Variants in ERCC6L observed in about 807,000 individuals in gnomAD.
The protein encoded by ERCC6L is DNA excision repair protein ERCC-6-like.
A neutral mutation model predicts 20.1 loss-of-function variants in ERCC6L; 7 were observed. The ratio of observed to expected loss-of-function variants is 0.35; its 90% CI spans 0.20 to 0.65. ERCC6L has a LOEUF of 0.65. Among genes scored for constraint, ERCC6L ranks in the 30% least tolerant of loss-of-function variants. ERCC6L has a pLI of 0.69. For synonymous variants in ERCC6L, 278 were observed against 331.3 expected (o/e 0.84, Z 1.75); for missense variants, 592 against 892.4 (o/e 0.66, Z 4.29).
intron 1 of ERCC6L, among the ~76,000 whole-genome samples, chrX:72,232,798 G>A (rs1223882769): frequency 9.0e-6 from 1 of 111,210 alleles, no homozygotes; most frequent in Non-Finnish European, 1.9e-5. Flanking sequence ...CAACAAGAGC[G>A]AAACTCCGTC....
At chrX:72,220,094 T>C (rs1345768466) in intron 1 of ERCC6L, among the ~76,000 whole-genome samples, 2 of 110,727 alleles carry the variant, frequency 1.8e-5, no homozygotes, top group African/African-American at 3.3e-5. Flanking sequence ...TTTTGTCAAA[T>C]GTTTTTTTCT....
At position 72,206,157 on chromosome X, in the gene ERCC6L, G is replaced by A; in HGVS notation, c.2610C>T (p.Ser870=). ...DPLESFNYVL[S]KSTKADIGPN... is the part of the protein sequence containing the mutation. ...GCCCAATATCAGCTTTGGTTGATTTGCTAAGTACATAATTAAAACTTTCCA... is the reference window on the plus strand; with the variant it reads ...GCCCAATATCAGCTTTGGTTGATTTACTAAGTACATAATTAAAACTTTCCA... Residue 870 remains serine, a synonymous_variant, in exon 2 of 2, where the codon AGC becomes AGT. Transcript: ENST00000334463. The A allele has an allele frequency of 8.3e-7, 1 of 1,211,565 alleles. No homozygotes were observed. Among genetic ancestry groups the A allele is most frequent in the South Asian group, 1.8e-5 (1 of 56,981 alleles).
Position 72,207,614 on chromosome X carries a change from C to T in ERCC6L, c.1153G>A (p.Val385Met), listed in dbSNP as rs762887752. ...AACTCCTTGATATGATCTAAAGACA[C>T]AAATTTCCTGTATATTTCTTCTTGT... ...PLQEEIYRKF[V>M]SLDHIKELLM... Residue 385 changes from valine (V) to methionine (M), a missense_variant, in exon 2 of 2, where the codon GTG (valine) becomes ATG (methionine). Around this residue, in one of 3 missense-constraint regions of ERCC6L, gnomAD observed 196 missense variants for 440.1 expected, o/e 0.45. Coordinates refer to ENST00000334463, the MANE Select transcript of ERCC6L (RefSeq NM_017669.4). 5 of 1,211,113 alleles carry T rather than the reference C, an allele frequency of 4.1e-6. No individual in the cohort carries two copies. The highest frequency in any genetic ancestry group is 5.6e-6 in the Non-Finnish European group (5 of 895,179).
At chrX:72,230,368 C>CCTCCT (rs1196502775) in intron 1 of ERCC6L, among the ~76,000 whole-genome samples, 18 of 109,606 alleles carry the variant, frequency 1.6e-4, no homozygotes, top group African/African-American at 6.0e-4. Context: ...CCCAAGATAA[C>CCTCCT]CTCCTCTCCT....
chrX:72,226,041 A>G (rs1307135704), intron 1 of ERCC6L, among the ~76,000 whole-genome samples: 1 of 111,618 alleles, frequency 9.0e-6, no homozygotes, highest in Non-Finnish European at 1.9e-5. Context: ...ACTCAGCCAT[A>G]AGGCGCTAAG....
At chrX:72,218,256 C>T (rs1344328296) in intron 1 of ERCC6L, among the ~76,000 whole-genome samples, 2 of 99,410 alleles carry the variant, frequency 2.0e-5, no homozygotes, top group Admixed American at 2.2e-4. Context: ...GGCGACAGAG[C>T]GAGACTCTGT....
intron 1 of ERCC6L, among the ~76,000 whole-genome samples, chrX:72,226,133 T>G (rs1257228136): frequency 8.9e-6 from 1 of 111,781 alleles, no homozygotes; most frequent in Non-Finnish European, 1.9e-5. Context: ...GCTCCCCCCT[T>G]AATCCTGCCA....
At chrX:72,217,737 A>T (rs2147592170) in intron 1 of ERCC6L, among the ~76,000 whole-genome samples, 1 of 111,600 alleles carries the variant, frequency 9.0e-6, no homozygotes, top group South Asian at 3.7e-4. Context: ...AAAAAAAAAC[A>T]CAAAAAGAAC....
chrX:72,218,473 A>G (rs2042899865), intron 1 of ERCC6L, among the ~76,000 whole-genome samples: 1 of 106,314 alleles, frequency 9.4e-6, no homozygotes, highest in African/African-American at 3.5e-5. Flanking sequence ...TGGCTTTTAT[A>G]ATAGTTTGTC....
In ERCC6L at chrX:72,206,404, T is replaced by G. The variant is rs1186239180; in HGVS notation, c.2363A>C (p.Asp788Ala). 3 of 1,209,855 alleles carry G rather than the reference T, an allele frequency of 2.5e-6. No individual in the cohort carries two copies. Among genetic ancestry groups the G allele is most frequent in the Non-Finnish European group, 3.4e-6 (3 of 894,556 alleles). Residue 788 changes from aspartate (D) to alanine (A), a missense_variant, in exon 2 of 2, where the codon GAT becomes GCT. Asp to Ala is a moderately radical substitution (Grantham distance 126). Transcript: ENST00000334463. ...DDLPKEGEKQDLSSIKVNVTT... is the reference protein window; with the variant it reads ...DDLPKEGEKQALSSIKVNVTT... Reference sequence around the variant, plus strand: ...AACATTCACCTTTATACTGGAGAGATCTTGTTTCTCACCCTCTTTGGGCAG... The same window carrying G: ...AACATTCACCTTTATACTGGAGAGAGCTTGTTTCTCACCCTCTTTGGGCAG...
rs1387000335 is a variant in ERCC6L, at chrX:72,204,771, G to A, written c.*243C>T. The A allele has an allele frequency of 4.4e-6, 1 of 229,605 alleles. No homozygotes were observed. Among genetic ancestry groups the A allele is most frequent in the Non-Finnish European group, 7.7e-6 (1 of 129,722 alleles). 18.9% of individuals were successfully genotyped at this position (229,605 alleles called of 1,213,427 possible). A position where few individuals can be genotyped will look rare whatever the true frequency, so the allele number is the denominator to read the frequency against. On this transcript the variant is annotated 3_prime_UTR_variant, in exon 2 of 2. Transcript: ENST00000334463. ...AGAATAATTTTACAAAACTTTCCAA[G>A]AAACAACACAGTTAAATTTATAGAA...
Position 72,213,219 on chromosome X carries a change from G to A in ERCC6L, c.69-4521C>T, listed in dbSNP as rs181900884. On this transcript the variant is annotated intron_variant, in intron 1 of 1. Coordinates refer to ENST00000334463, the MANE Select transcript of ERCC6L (RefSeq NM_017669.4). The stretch of plus-strand genomic sequence containing the variant: ...GACTAAGAATTCCTAAGCCTAGCTG[G>A]GGAAGGTGACTACACCTACCTTTAA... Among the ~76,000 whole-genome samples, 458 of 111,338 alleles carry A rather than the reference G, an allele frequency of 4.1e-3. 2 individuals are homozygous for A. Among genetic ancestry groups the A allele is most frequent in the African/African-American group, 0.014 (419 of 30,575 alleles).
In ERCC6L at chrX:72,204,799, T is replaced by C. The variant is rs1602434663; in HGVS notation, c.*215A>G. ...ACAACACAGTTAAATTTATAGAATA[T>C]GCCTAAAATATAAGAATATTCAAGT... On this transcript the variant is annotated 3_prime_UTR_variant, in exon 2 of 2. Transcript: ENST00000334463. 1 of 279,248 alleles carries C rather than the reference T, an allele frequency of 3.6e-6. No homozygotes were observed. Among genetic ancestry groups the C allele is most frequent in the African/African-American group, 2.8e-5 (1 of 36,176 alleles). 23.0% of individuals were successfully genotyped at this position (279,248 alleles called of 1,213,427 possible).
At chrX:72,210,578 G>T (rs2042848424) in intron 1 of ERCC6L, among the ~76,000 whole-genome samples, 1 of 111,562 alleles carries the variant, frequency 9.0e-6, no homozygotes, top group Admixed American at 9.6e-5. Flanking sequence ...GGGGTTCTGT[G>T]TAACTCTAGC....
intron 1 of ERCC6L, among the ~76,000 whole-genome samples, chrX:72,212,965 G>C (rs1253713983): frequency 8.9e-6 from 1 of 111,992 alleles, no homozygotes; most frequent in Non-Finnish European, 1.9e-5. Context: ...AGAATGTGAA[G>C]AGACAGAGAA....
intron 1 of ERCC6L, among the ~76,000 whole-genome samples, chrX:72,211,085 C>T (rs1456345813): frequency 3.6e-5 from 4 of 111,993 alleles, no homozygotes. Flanking sequence ...AGCCACTTAA[C>T]TTCTAATCAC....
intron 1 of ERCC6L, among the ~76,000 whole-genome samples, chrX:72,229,689 G>C (rs906712175): frequency 9.0e-6 from 1 of 111,478 alleles, no homozygotes; most frequent in Admixed American, 9.6e-5. Context: ...CATTGGACTT[G>C]TTCCTCCTGA....
intron 1 of ERCC6L, among the ~76,000 whole-genome samples, chrX:72,225,828 C>T (rs1310653877): frequency 9.0e-6 from 1 of 111,306 alleles, no homozygotes; most frequent in African/African-American, 3.3e-5. Flanking sequence ...TTCTCATAAT[C>T]AGGCCCTTGG....
In ERCC6L at chrX:72,227,396, C is replaced by T. The variant is rs746807242; in HGVS notation, c.68+11448G>A. Among the ~76,000 whole-genome samples, 2 of 112,040 alleles carry T rather than the reference C, an allele frequency of 1.8e-5. 1 individual carries two copies. Among genetic ancestry groups the T allele is most frequent in the Admixed American group, 1.9e-4 (2 of 10,548 alleles). On this transcript the variant is annotated intron_variant, in intron 1 of 1. Coordinates refer to ENST00000334463, the MANE Select transcript of ERCC6L (RefSeq NM_017669.4). Reference sequence around the variant, plus strand: ...TGAATGGCATTCTAAAAACCACCCTCACCAGGTACTCACTCCAAACTCTTA... The same window carrying T: ...TGAATGGCATTCTAAAAACCACCCTTACCAGGTACTCACTCCAAACTCTTA...
Sources: allele counts gnomAD v4.1 joint callset (sites outside exome capture counted in the v4.1 genomes callset), GRCh38; gene constraint gnomAD v4.1.1; regional missense constraint gnomAD v4.1.1; transcripts MANE v1.5; gene names NCBI Gene and HGNC (gene_info 2026-07-23, HGNC 2026-07-21).